Variants in MERTK observed in about 807,000 individuals in gnomAD.
MERTK encodes MER proto-oncogene, tyrosine kinase.
Under a neutral mutation model 99.3 loss-of-function variants are expected in MERTK, and 69 were observed. The observed-to-expected ratio is 0.70, with a 90% CI of 0.57 to 0.85. The LOEUF (loss-of-function observed/expected upper bound fraction) is 0.85. MERTK is among the 40% of genes least tolerant of loss of function. The pLI is 0.00. For missense variants in MERTK, 1,125 were observed against 1,249.4 expected (o/e 0.90, Z 1.50); for synonymous variants, 426 against 467.6 (o/e 0.91, Z 1.15).
chr2:111,980,192 G>A (rs1047678545), intron 7 of MERTK, among the ~76,000 whole-genome samples: 3 of 152,168 alleles, frequency 2.0e-5, no homozygotes, highest in African/African-American at 2.4e-5. Context: ...CCAAGTGGGG[G>A]AGGAGGGGAA....
At chr2:111,972,891 T>C (rs1415954433) in intron 6 of MERTK, among the ~76,000 whole-genome samples, 4 of 152,180 alleles carry the variant, frequency 2.6e-5, no homozygotes, top group African/African-American at 7.2e-5. Flanking sequence ...TCATTAACAG[T>C]GTATTCCCAG....
At position 112,011,244 on chromosome 2, in the gene MERTK, A is replaced by G. The variant is rs1190252029; in HGVS notation, c.2079+1178A>G. ...GAGTCCACAGGATGAAAGTGCAAGG[A>G]AATTAGTTCTTAGGGACCATGAAAA... On this transcript the variant is annotated intron_variant, in intron 15 of 18. Coordinates refer to ENST00000295408, the MANE Select transcript of MERTK (RefSeq NM_006343.3). 3.3e-5 allele frequency among the ~76,000 whole-genome samples: 5 copies of G among 152,314 alleles called. No homozygotes were observed. The East Asian group carries it at 9.6e-4, about 29-fold the overall frequency.
At position 111,925,503 on chromosome 2, in the gene MERTK, A is replaced by G. The variant is rs1472720209; in HGVS notation, c.62-3617A>G. ...TTTTTAGTAGAGACGGGGTTTCACC[A>G]TGTTGGCCAGGCTTGTCTCGAACTC... On this transcript the variant is annotated intron_variant, in intron 1 of 18. Transcript: ENST00000295408. Among the ~76,000 whole-genome samples, 6 of 151,202 alleles carry G rather than the reference A, an allele frequency of 4.0e-5. No individual in the cohort carries two copies. In the South Asian group the frequency reaches 6.3e-4, roughly 16 times the overall value.
chr2:112,012,868 A>T (rs1229884148), intron 15 of MERTK, among the ~76,000 whole-genome samples: 1 of 152,164 alleles, frequency 6.6e-6, no homozygotes, highest in Non-Finnish European at 1.5e-5. Flanking sequence ...CATCTGTAGA[A>T]ACAGCCCTTT....
At chr2:111,938,236 C>T (rs1004994351) in intron 2 of MERTK, among the ~76,000 whole-genome samples, 1 of 148,220 alleles carries the variant, frequency 6.7e-6, no homozygotes, top group African/African-American at 2.5e-5. Context: ...GCCACTGTAC[C>T]TAGCTGTTTT....
chr2:111,906,450 C>G (rs1684137864), intron 1 of MERTK, among the ~76,000 whole-genome samples: 1 of 152,204 alleles, frequency 6.6e-6, no homozygotes, highest in African/African-American at 2.4e-5. Context: ...AAAATGATCA[C>G]TTTCACAAGT....
chr2:111,976,627 A>G (rs1402343767), intron 7 of MERTK, among the ~76,000 whole-genome samples: 2 of 151,812 alleles, frequency 1.3e-5, no homozygotes, highest in Non-Finnish European at 2.9e-5. Context: ...ATAACCCACA[A>G]GTCCATTAAA....
chr2:111,900,683 GT>G (rs34844794), intron 1 of MERTK, among the ~76,000 whole-genome samples: 34,993 of 152,108 alleles, frequency 0.23, 4,342 homozygotes, highest in Middle Eastern at 0.37. Flanking sequence ...AGAATGAAAA[GT>G]TTCACCAATC....
chr2:112,015,981 G>T (rs1677208216), intron 15 of MERTK, among the ~76,000 whole-genome samples: 1 of 152,088 alleles, frequency 6.6e-6, no homozygotes, highest in African/African-American at 2.4e-5. Flanking sequence ...GCAGTTGGTT[G>T]TACATTTCTG....
At chr2:111,928,249 A>G (rs1200541333) in intron 1 of MERTK, among the ~76,000 whole-genome samples, 1 of 102,816 alleles carries the variant, frequency 9.7e-6, no homozygotes, top group Non-Finnish European at 1.8e-5. Flanking sequence ...TTTTTGAGAC[A>G]GGGTCTCACT....
At chr2:111,914,849 CT>C (rs974161009) in intron 1 of MERTK, among the ~76,000 whole-genome samples, 31 of 152,070 alleles carry the variant, frequency 2.0e-4, no homozygotes, top group African/African-American at 7.2e-4. Flanking sequence ...GAATGTTGAT[CT>C]GTTTTTTCTG....
intron 8 of MERTK, among the ~76,000 whole-genome samples, chr2:111,992,873 A>C (rs1676657668): frequency 6.6e-6 from 1 of 152,124 alleles, no homozygotes; most frequent in Admixed American, 6.5e-5. Flanking sequence ...GGGGTCCCTG[A>C]TTTATATAGC....
intron 6 of MERTK, among the ~76,000 whole-genome samples, chr2:111,972,189 C>T (rs1298590848): frequency 1.3e-5 from 2 of 152,186 alleles, no homozygotes; most frequent in African/African-American, 4.8e-5. Context: ...TGCCACTGCG[C>T]CTGGCTCATT....
chr2:111,903,377 T>TA (rs1350564300), intron 1 of MERTK, among the ~76,000 whole-genome samples: 1 of 152,234 alleles, frequency 6.6e-6, no homozygotes, highest in Non-Finnish European at 1.5e-5. Flanking sequence ...CAATGTGATT[T>TA]CATTGCTGGA....
chr2:111,926,395 C>G (rs1044122582), intron 1 of MERTK, among the ~76,000 whole-genome samples: 1 of 152,062 alleles, frequency 6.6e-6, no homozygotes, highest in African/African-American at 2.4e-5. Context: ...ATGAGTGTGC[C>G]CACCCAAGTG....
intron 5 of MERTK, among the ~76,000 whole-genome samples, chr2:111,965,736 T>C (rs890175449): frequency 3.3e-5 from 5 of 150,192 alleles, no homozygotes; most frequent in African/African-American, 5.1e-5. Context: ...CAGCGGGGCC[T>C]GCTGACTGAC....
In MERTK at chr2:111,899,796, G is replaced by A. The variant is rs189564681; in HGVS notation, c.61+1000G>A. 6.9e-4 allele frequency among the ~76,000 whole-genome samples: 105 copies of A among 152,160 alleles called. 1 individual carries two copies. In the Middle Eastern group the frequency reaches 0.017, roughly 25 times the overall value. On this transcript the variant is annotated intron_variant, in intron 1 of 18. Coordinates refer to ENST00000295408, the MANE Select transcript of MERTK (RefSeq NM_006343.3). ...CTCCCAAAGTTCTGGGATTACAGTC[G>A]TGAGCCACCGCGCCCGGCTTGTTCC...
chr2:111,969,492 C>T (rs980704851), intron 6 of MERTK, among the ~76,000 whole-genome samples: 4 of 152,158 alleles, frequency 2.6e-5, no homozygotes, highest in Non-Finnish European at 5.9e-5. Context: ...AATATGTTAA[C>T]CTGACACAGG....
chr2:111,914,216 T>C (rs1684306718), intron 1 of MERTK, among the ~76,000 whole-genome samples: 1 of 150,642 alleles, frequency 6.6e-6, no homozygotes, highest in Admixed American at 6.7e-5. Flanking sequence ...GTGATTCTCC[T>C]GTCTCAGCCC....
Sources: gnomAD v4.1 joint callset for allele counts (sites outside exome capture counted in the v4.1 genomes callset) on GRCh38, gnomAD v4.1.1 for gene constraint, MANE v1.5 for transcripts, NCBI Gene and HGNC (gene_info 2026-07-23, HGNC 2026-07-21) for gene names.